The following RIMBP2 variants were observed in gnomAD, a reference collection of about 807,000 sequenced individuals.
RIMBP2 encodes the protein RIMS binding protein 2.
In RIMBP2, 48 loss-of-function variants were observed where a neutral mutation model predicts 118.6. The ratio of observed to expected loss-of-function variants is 0.40; its 90% confidence interval spans 0.32 to 0.51. The LOEUF (loss-of-function observed/expected upper bound fraction) is 0.51, where lower values mean the gene tolerates loss of function less well. RIMBP2 is among the 20% of genes least tolerant of loss of function. The pLI is 0.41. For synonymous variants in RIMBP2, 762 were observed against 742.9 expected (o/e 1.03, Z -0.42); for missense variants, 1,551 against 1,768.3 (o/e 0.88, Z 2.20).
At chr12:130,457,335 G>A (rs1286606966) in intron 6 of RIMBP2, among the ~76,000 whole-genome samples, 4 of 152,176 alleles carry the variant, frequency 2.6e-5, no homozygotes, top group Non-Finnish European at 5.9e-5. Context: ...GGAGCCCTGG[G>A]GAAGGCAAGC....
intron 1 of RIMBP2, among the ~76,000 whole-genome samples, chr12:130,707,776 C>T (rs972039007): frequency 2.6e-5 from 4 of 152,004 alleles, no homozygotes; most frequent in Admixed American, 6.5e-5. Flanking sequence ...GGGACCGAGG[C>T]GGCCCGAGCA....
At chr12:130,705,380 C>A (rs1566471141) in intron 1 of RIMBP2, among the ~76,000 whole-genome samples, 1 of 152,184 alleles carries the variant, frequency 6.6e-6, no homozygotes, top group South Asian at 2.1e-4. Context: ...CGCACCACCG[C>A]CCTGTGCTTC....
At chr12:130,472,993 C>T (rs763194996) in intron 5 of RIMBP2, among the ~76,000 whole-genome samples, 48 of 152,014 alleles carry the variant, frequency 3.2e-4, no homozygotes, top group Admixed American at 3.3e-4. Flanking sequence ...AGGGAACATA[C>T]AGGGATTATA....
At chr12:130,682,992 T>C (rs1299445738) in intron 1 of RIMBP2, among the ~76,000 whole-genome samples, 2 of 152,226 alleles carry the variant, frequency 1.3e-5, no homozygotes, top group African/African-American at 4.8e-5. Flanking sequence ...TGTTGTCTAA[T>C]TATGTCGGAG....
Position 130,571,639 on chromosome 12 carries a change from C to T in RIMBP2, c.-216-53722G>A, listed in dbSNP as rs113764636. Among the ~76,000 whole-genome samples, 1,511 of 152,170 alleles carry T rather than the reference C, an allele frequency of 9.9e-3. 8 individuals carry two copies. The highest frequency in any genetic ancestry group is 0.014 in the Non-Finnish European group (979 of 68,002). On this transcript the variant is annotated intron_variant, in intron 2 of 22. Coordinates refer to ENST00000690449, the MANE Select transcript of RIMBP2 (RefSeq NM_001393629.1). ...TTTACCATGTTGGCCAGGCTGATCT[C>T]GAACTCCACAGTAACCTCTTAATGC... is the stretch of plus-strand genomic sequence containing the variant.
intron 1 of RIMBP2, among the ~76,000 whole-genome samples, chr12:130,713,390 C>T (rs1950104847): frequency 6.6e-6 from 1 of 151,970 alleles, no homozygotes; most frequent in Admixed American, 6.5e-5. Context: ...GGTGGTGGCA[C>T]CAGCATCACC....
At chr12:130,456,732 G>T in intron 6 of RIMBP2, 32 bp from the exon 7 acceptor site, 1 of 1,523,902 alleles carries the variant, frequency 6.6e-7, no homozygotes, top group South Asian at 1.2e-5. Flanking sequence ...GGGGGTCAGC[G>T]GTGGCATTTG....
intron 4 of RIMBP2, among the ~76,000 whole-genome samples, chr12:130,491,776 C>T (rs1481988405): frequency 6.6e-6 from 1 of 152,242 alleles, no homozygotes; most frequent in Non-Finnish European, 1.5e-5. Context: ...CATGGGAAGG[C>T]TTCACATCTG....
chr12:130,713,255 A>AAGGAAGAT (rs1950084493), intron 1 of RIMBP2, among the ~76,000 whole-genome samples: 2 of 133,988 alleles, frequency 1.5e-5, no homozygotes, highest in African/African-American at 2.9e-5. Flanking sequence ...GGAAGGAAGG[A>AAGGAAGAT]AGGAAGGAAG....
intron 3 of RIMBP2, among the ~76,000 whole-genome samples, chr12:130,515,426 CT>C (rs2051347816): frequency 6.6e-6 from 1 of 152,088 alleles, no homozygotes; most frequent in South Asian, 2.1e-4. Context: ...GTCTCTATGG[CT>C]CTGATGACTC....
At chr12:130,536,822 G>T (rs576372709) in intron 2 of RIMBP2, among the ~76,000 whole-genome samples, 1 of 152,148 alleles carries the variant, frequency 6.6e-6, no homozygotes, top group South Asian at 2.1e-4. Context: ...CCTTCACCAG[G>T]TGACCGTGGT....
At chr12:130,438,335 A>ACCGGGGGG in intron 12 of RIMBP2, 30 bp downstream of exon 12, 4 of 865,012 alleles carry the variant, frequency 4.6e-6, no homozygotes, top group Non-Finnish European at 7.7e-6. Context: ...GGCCTAACAA[A>ACCGGGGGG]CCCTCCCCAC....
chr12:130,589,798 C>T (rs920101559), intron 2 of RIMBP2, among the ~76,000 whole-genome samples: 2 of 152,152 alleles, frequency 1.3e-5, no homozygotes, highest in Admixed American at 6.5e-5. Flanking sequence ...CCTGAACCCA[C>T]CCTGATTCCC....
intron 2 of RIMBP2, among the ~76,000 whole-genome samples, chr12:130,557,689 G>A (rs911514775): frequency 7.2e-5 from 11 of 152,170 alleles, no homozygotes; most frequent in Admixed American, 5.9e-4. Context: ...CACAGCAATC[G>A]GTGACAAATA....
At chr12:130,705,330 C>T (rs112278404) in intron 1 of RIMBP2, among the ~76,000 whole-genome samples, 1 of 152,216 alleles carries the variant, frequency 6.6e-6, no homozygotes, top group Non-Finnish European at 1.5e-5. Context: ...CGGAGCCTCC[C>T]GGCCAGTCAC....
chr12:130,434,938 C>A lies in RIMBP2; in HGVS notation c.2107-58G>T. On this transcript the variant is annotated intron_variant, in intron 13 of 22. Transcript: ENST00000690449. This position sits in a 1 kb window ranked among gnomAD's most constrained non-coding sequence, Gnocchi z 5.7. ...CAGGGCCACCTTCAGCTACGCTCAG[C>A]CCCACCTGCATTCACCAAACCTTCA... is the stretch of plus-strand genomic sequence containing the variant. 6.5e-7 allele frequency: 1 copy of A among 1,532,168 alleles called. No individual in the cohort carries two copies. 94.9% of individuals were successfully genotyped at this position (1,532,168 alleles called of 1,614,324 possible).
chr12:130,520,678 A>AG (rs2052003821), intron 2 of RIMBP2, among the ~76,000 whole-genome samples: 1 of 150,688 alleles, frequency 6.6e-6, no homozygotes, highest in Admixed American at 6.6e-5. Flanking sequence ...ATCTCAAAAA[A>AG]AAAAAAAAAA....
chr12:130,451,389 G>C, intron 7 of RIMBP2, 49 bp from the exon 8 acceptor site: 1 of 1,558,974 alleles, frequency 6.4e-7, no homozygotes, highest in Non-Finnish European at 8.7e-7. Flanking sequence ...GAATAACATC[G>C]TCAAAGCACG....
intron 5 of RIMBP2, among the ~76,000 whole-genome samples, chr12:130,477,536 T>C (rs990241700): frequency 6.6e-6 from 1 of 152,172 alleles, no homozygotes; most frequent in Non-Finnish European, 1.5e-5. Context: ...TAATGAAATA[T>C]TGCTGCTCCG....
Sources: gnomAD v4.1 joint callset for allele counts (sites outside exome capture counted in the v4.1 genomes callset) on GRCh38, gnomAD v4.1.1 for gene constraint, Gnocchi (gnomAD v3.1) non-coding constraint, MANE v1.5 for transcripts, NCBI Gene and HGNC (gene_info 2026-07-23, HGNC 2026-07-21) for gene names.